Variants in ZDHHC15 observed in about 807,000 individuals in gnomAD.
ZDHHC15 encodes the protein palmitoyltransferase ZDHHC15.
Under a neutral mutation model 31.7 loss-of-function variants are expected in ZDHHC15, and 19 were observed. The ratio of observed to expected loss-of-function variants is 0.60; its 90% CI spans 0.42 to 0.88. The LOEUF (loss-of-function observed/expected upper bound fraction) is 0.88, where lower values mean the gene tolerates loss of function less well. Ranked by LOEUF, ZDHHC15 falls within the 40% of genes least tolerant of loss-of-function variation. The pLI is 0.00. For missense variants in ZDHHC15, 209 were observed against 251.2 expected (o/e 0.83, Z 1.14); for synonymous variants, 103 against 90.0 (o/e 1.14, Z -0.82).
intron 10 of ZDHHC15, among the ~76,000 whole-genome samples, chrX:75,407,442 G>A (rs2083427513): frequency 9.7e-6 from 1 of 102,822 alleles, no homozygotes; most frequent in Admixed American, 1.0e-4. Context: ...GAGGGAGGTG[G>A]GAGGCAGCCC....
intron 3 of ZDHHC15, among the ~76,000 whole-genome samples, chrX:75,460,050 T>G (rs763364068): frequency 5.1e-4 from 57 of 112,220 alleles, no homozygotes; most frequent in African/African-American, 1.8e-3. Context: ...TAATTTTGTA[T>G]TTTTAGTAGA....
At chrX:75,389,037 CTG>C (rs1235822343) in intron 10 of ZDHHC15, among the ~76,000 whole-genome samples, 1 of 111,744 alleles carries the variant, frequency 8.9e-6, no homozygotes, top group Non-Finnish European at 1.9e-5. Flanking sequence ...GAGACAGACT[CTG>C]TGAACTTGGG....
chrX:75,375,596 T>C (rs1013479495), intron 11 of ZDHHC15, among the ~76,000 whole-genome samples: 6 of 111,304 alleles, frequency 5.4e-5, no homozygotes, highest in African/African-American at 2.0e-4. Context: ...GTGTCTATTG[T>C]TGCCATCTTT....
intron 4 of ZDHHC15, among the ~76,000 whole-genome samples, chrX:75,434,263 G>T (rs1212518897): frequency 9.0e-6 from 1 of 111,229 alleles, no homozygotes; most frequent in Non-Finnish European, 1.9e-5. Context: ...ATAGTTTGTG[G>T]ATAATTTTTC....
Position 75,464,288 on chromosome X carries a change from G to A in ZDHHC15, c.259-13366C>T, listed in dbSNP as rs377248106. On this transcript the variant is annotated intron_variant, in intron 3 of 11. Transcript: ENST00000373367. The stretch of plus-strand genomic sequence containing the variant: ...CGTCACACACCGGGGCCTGTTGTGC[G>A]GTAGGGGAAGGGAGGAGGGAAAGCA... Among the ~76,000 whole-genome samples, 11 of 110,783 alleles carry A rather than the reference G, an allele frequency of 9.9e-5. No homozygotes were observed. The South Asian group carries it at 1.6e-3, about 16-fold the overall frequency.
At position 75,460,657 on chromosome X, in the gene ZDHHC15, A is replaced by G. The variant is rs150581682; in HGVS notation, c.259-9735T>C. The stretch of plus-strand genomic sequence containing the variant: ...CAGGTATGAAAAAAAAAATGAGGCA[A>G]GTAGGGTCTGGAGTAGACCTGCAGC... On this transcript the variant is annotated intron_variant, in intron 3 of 11. Coordinates refer to ENST00000373367, the MANE Select transcript of ZDHHC15 (RefSeq NM_144969.3). Among the ~76,000 whole-genome samples, 929 of 110,933 alleles carry G rather than the reference A, an allele frequency of 8.4e-3. 7 individuals carry two copies. The highest frequency in any genetic ancestry group is 0.029 in the African/African-American group (888 of 30,456).
chrX:75,466,949 C>T (rs775977539), intron 3 of ZDHHC15, among the ~76,000 whole-genome samples: 28 of 110,960 alleles, frequency 2.5e-4, no homozygotes, highest in Middle Eastern at 4.7e-3. Context: ...GGGATTCACA[C>T]CTAGGTGATG....
At chrX:75,394,321 T>C (rs1466512397) in intron 10 of ZDHHC15, among the ~76,000 whole-genome samples, 2 of 105,797 alleles carry the variant, frequency 1.9e-5, no homozygotes, top group African/African-American at 6.9e-5. Flanking sequence ...CAAAAACCCA[T>C]GAAACAACCA....
intron 10 of ZDHHC15, among the ~76,000 whole-genome samples, chrX:75,394,005 T>C (rs968779531): frequency 1.8e-5 from 2 of 111,156 alleles, no homozygotes; most frequent in African/African-American, 6.5e-5. Context: ...GCTGATTAGA[T>C]TGTGCCCACC....
intron 10 of ZDHHC15, among the ~76,000 whole-genome samples, chrX:75,399,397 C>T (rs189404004): frequency 2.4e-4 from 27 of 111,841 alleles, no homozygotes; most frequent in African/African-American, 7.8e-4. Context: ...TGTAGTTGAC[C>T]CAAGGAGAGG....
intron 4 of ZDHHC15, among the ~76,000 whole-genome samples, chrX:75,443,380 T>G (rs2083975566): frequency 8.9e-6 from 1 of 111,938 alleles, no homozygotes. Flanking sequence ...GCATTCCCTA[T>G]TTAACAAACG....
chrX:75,448,680 T>A (rs1055680047), intron 4 of ZDHHC15, among the ~76,000 whole-genome samples: 2 of 111,625 alleles, frequency 1.8e-5, no homozygotes, highest in African/African-American at 6.5e-5. Context: ...TGTATCATGT[T>A]AGGTAAAATT....
At chrX:75,448,532 A>G (rs1484557881) in intron 4 of ZDHHC15, among the ~76,000 whole-genome samples, 1 of 112,003 alleles carries the variant, frequency 8.9e-6, no homozygotes, top group Non-Finnish European at 1.9e-5. Flanking sequence ...TTACATCGTA[A>G]CATTTAAGTG....
intron 10 of ZDHHC15, among the ~76,000 whole-genome samples, chrX:75,386,406 TAAAG>T (rs2083179965): frequency 8.9e-6 from 1 of 112,158 alleles, no homozygotes; most frequent in South Asian, 3.7e-4. Flanking sequence ...ATTATCAAAA[TAAAG>T]AGGCAATTTA....
intron 10 of ZDHHC15, among the ~76,000 whole-genome samples, chrX:75,393,306 G>C (rs747559599): frequency 1.8e-5 from 2 of 111,023 alleles, no homozygotes; most frequent in East Asian, 5.7e-4. Flanking sequence ...TCTGAAATAA[G>C]ACTCTCACTG....
intron 1 of ZDHHC15, among the ~76,000 whole-genome samples, chrX:75,522,438 C>T (rs1047196521): frequency 9.0e-6 from 1 of 111,057 alleles, no homozygotes; most frequent in Non-Finnish European, 1.9e-5. Flanking sequence ...GTAGGAAATC[C>T]TAGTAGGATT....
chrX:75,477,726 C>T (rs1276050649), intron 3 of ZDHHC15, among the ~76,000 whole-genome samples: 1 of 111,768 alleles, frequency 8.9e-6, no homozygotes, highest in Admixed American at 9.5e-5. Context: ...TCTAGCTTTA[C>T]ATTTTCAACC....
chrX:75,429,866 G>T, intron 6 of ZDHHC15, 82 bp downstream of exon 6: 2 of 993,649 alleles, frequency 2.0e-6, no homozygotes, highest in Non-Finnish European at 2.8e-6. Flanking sequence ...AAACAGGCAT[G>T]TGACAACTAT....
chrX:75,455,512 AC>A (rs1227760802), intron 3 of ZDHHC15, among the ~76,000 whole-genome samples: 1 of 112,086 alleles, frequency 8.9e-6, no homozygotes, highest in Non-Finnish European at 1.9e-5. Flanking sequence ...GCCAAAATAG[AC>A]AAATGGGATG....
Sources: allele counts gnomAD v4.1 joint callset (sites outside exome capture counted in the v4.1 genomes callset), GRCh38; gene constraint gnomAD v4.1.1; transcripts MANE v1.5; gene names NCBI Gene and HGNC (gene_info 2026-07-23, HGNC 2026-07-21).